Variants in MBD5 observed in about 807,000 individuals in gnomAD.
MBD5 encodes methyl-CpG-binding domain protein 5.
A neutral mutation model predicts 117.3 loss-of-function variants in MBD5; 13 were observed. The observed-to-expected ratio is 0.11, with a 90% CI of 0.07 to 0.18. The LOEUF (loss-of-function observed/expected upper bound fraction) is 0.18. Ranked by LOEUF, MBD5 falls within the 10% of genes least tolerant of loss-of-function variation. MBD5 has a pLI of 1.00. For missense variants in MBD5, 1,879 were observed against 2,093.8 expected, an observed-to-expected ratio of 0.90 and a Z score of 2.00; for synonymous variants, 727 against 766.4, an observed-to-expected ratio of 0.95 and a Z score of 0.85.
chr2:148,485,979 A>G, intron 10 of MBD5, 29 bp downstream of exon 10: 3 of 1,601,194 alleles, frequency 1.9e-6, no homozygotes, highest in South Asian at 2.2e-5. Flanking sequence ...TCATTTTAGA[A>G]GAAAACAATG....
At chr2:148,400,708 CTAT>C (rs1704892524) in intron 4 of MBD5, among the ~76,000 whole-genome samples, 2 of 152,110 alleles carry the variant, frequency 1.3e-5, no homozygotes, top group African/African-American at 4.8e-5. Flanking sequence ...CCTATTAGCC[CTAT>C]TATTAACTAT....
In MBD5 at chr2:148,244,530, T is replaced by G. The variant is rs1371713013; in HGVS notation, c.-680+11135T>G. ...ATGAGCTATAAAATTAATTCATTATTTTACTTTGTACTTGATCATTTTGTC... is the reference window on the plus strand; with the variant it reads ...ATGAGCTATAAAATTAATTCATTATGTTACTTTGTACTTGATCATTTTGTC... On this transcript the variant is annotated intron_variant, in intron 3 of 13. Transcript: ENST00000642680. 2.0e-5 allele frequency among the ~76,000 whole-genome samples: 3 copies of G among 152,316 alleles called. No homozygotes were observed. The South Asian group carries it at 6.2e-4, about 32-fold the overall frequency.
At chr2:148,253,164 G>A (rs1700505361) in intron 3 of MBD5, among the ~76,000 whole-genome samples, 1 of 152,048 alleles carries the variant, frequency 6.6e-6, no homozygotes, top group Non-Finnish European at 1.5e-5. Flanking sequence ...AAAGCAGAGG[G>A]AACTCTACTA....
At chr2:148,473,296 T>C (rs1476443126) in intron 8 of MBD5, among the ~76,000 whole-genome samples, 1 of 152,116 alleles carries the variant, frequency 6.6e-6, no homozygotes, top group Non-Finnish European at 1.5e-5. Context: ...TTCTTTTAAT[T>C]AATTATCACC....
At position 148,300,432 on chromosome 2, in the gene MBD5, G is replaced by A. The variant is rs1450611375; in HGVS notation, c.-679-41782G>A. On this transcript the variant is annotated intron_variant, in intron 3 of 13. Coordinates refer to ENST00000642680, the MANE Select transcript of MBD5 (RefSeq NM_001378120.1). ...CAATGCTATTCTCTCTTCTTTTCCTGCAGTGTCTTCCCTATCATCACTTGT... is the reference window on the plus strand; with the variant it reads ...CAATGCTATTCTCTCTTCTTTTCCTACAGTGTCTTCCCTATCATCACTTGT... Among the ~76,000 whole-genome samples, 2 of 151,622 alleles carry A rather than the reference G, an allele frequency of 1.3e-5. 1 individual carries two copies. The highest frequency in any genetic ancestry group is 3.9e-4 in the East Asian group (2 of 5,178).
chr2:148,485,690 C>A (rs2105092590), intron 9 of MBD5, 52 bp from the exon 10 acceptor site: 1 of 1,379,748 alleles, frequency 7.2e-7, no homozygotes, highest in Non-Finnish European at 1.0e-6. Context: ...AGAGAGGCAT[C>A]GAATCTCCGA....
intron 1 of MBD5, among the ~76,000 whole-genome samples, chr2:148,052,829 A>G (rs1694754309): frequency 6.6e-6 from 1 of 152,092 alleles, no homozygotes. Flanking sequence ...CATGTGACTT[A>G]TCCTGGAAAA....
At chr2:148,272,467 A>C (rs1204320131) in intron 3 of MBD5, among the ~76,000 whole-genome samples, 1 of 152,086 alleles carries the variant, frequency 6.6e-6, no homozygotes, top group East Asian at 1.9e-4. Context: ...GTTTTTCGTA[A>C]TAGCTATTCT....
At chr2:148,468,221 T>C (rs1374247648) in intron 7 of MBD5, 120 bp from the exon 8 acceptor site, 1 of 745,910 alleles carries the variant, frequency 1.3e-6, no homozygotes, top group Non-Finnish European at 2.3e-6. Flanking sequence ...TATTTACAGA[T>C]TCCTATTTCC....
chr2:148,466,855 T>G (rs1216333721), intron 7 of MBD5, among the ~76,000 whole-genome samples: 1 of 152,206 alleles, frequency 6.6e-6, no homozygotes, highest in Non-Finnish European at 1.5e-5. Flanking sequence ...ATGTGCTCTA[T>G]GTAGATTTAT....
At chr2:148,084,231 C>T (rs1005145454) in intron 1 of MBD5, among the ~76,000 whole-genome samples, 1 of 152,100 alleles carries the variant, frequency 6.6e-6, no homozygotes, top group Non-Finnish European at 1.5e-5. Flanking sequence ...TGTTCTCCTA[C>T]GGGGATGCCA....
intron 1 of MBD5, among the ~76,000 whole-genome samples, chr2:148,076,694 A>G (rs1016712236): frequency 6.6e-6 from 1 of 152,222 alleles, no homozygotes; most frequent in Non-Finnish European, 1.5e-5. Flanking sequence ...AGGTTAAGTG[A>G]TAATTCTATT....
Position 148,469,822 on chromosome 2 carries a change from A to G in MBD5, c.1879A>G (p.Thr627Ala), listed in dbSNP as rs779256872. The G allele has an allele frequency of 2.5e-6, 4 of 1,613,916 alleles. No individual in the cohort carries two copies. Among genetic ancestry groups the G allele is most frequent in the African/African-American group, 1.3e-5 (1 of 75,036 alleles). Reference protein sequence around the residue: ...HSTLNTMFPPTANMLLPTGEG... With the variant: ...HSTLNTMFPPAANMLLPTGEG... ...CACTTTAAACACCATGTTCCCTCCT[A>G]CTGCCAACATGCTTCTCCCAACAGG... The change falls in exon 8 of 14, where the codon ACT (threonine) becomes GCT (alanine). Residue 627 changes from threonine to alanine, a missense_variant. By Grantham distance (58) the Thr-to-Ala change is moderately conservative (BLOSUM62 0). Around this residue, in one of 4 missense-constraint regions of MBD5, gnomAD observed 1,666 missense variants for 1,792.2 expected, o/e 0.93. Transcript: ENST00000642680.
intron 3 of MBD5, among the ~76,000 whole-genome samples, chr2:148,328,880 C>G (rs542371152): frequency 1.3e-4 from 20 of 152,174 alleles, no homozygotes; most frequent in African/African-American, 4.8e-4. Context: ...AGATCAGAAA[C>G]AACAGGGCAT....
At chr2:148,136,669 C>T (rs984476135) in intron 1 of MBD5, among the ~76,000 whole-genome samples, 10 of 152,128 alleles carry the variant, frequency 6.6e-5, no homozygotes, top group African/African-American at 2.4e-4. Context: ...TCATCAGTTG[C>T]CAGTCAAGCA....
At chr2:148,224,994 G>C (rs1699786551) in intron 2 of MBD5, among the ~76,000 whole-genome samples, 1 of 151,840 alleles carries the variant, frequency 6.6e-6, no homozygotes, top group African/African-American at 2.4e-5. Flanking sequence ...CAGATCACAG[G>C]GTCTTGTCTT....
chr2:148,025,843 G>A (rs1422081630), intron 1 of MBD5: 3 of 152,106 alleles, frequency 2.0e-5, no homozygotes. Context: ...TTCTAAGTCA[G>A]TTGTAATTTT....
chr2:148,040,793 T>C lies in MBD5; in HGVS notation c.-925+19109T>C, dbSNP rs530193932. 2.6e-5 allele frequency among the ~76,000 whole-genome samples: 4 copies of C among 152,302 alleles called. No individual in the cohort carries two copies. The East Asian group carries it at 5.8e-4, about 22-fold the overall frequency. ...GGTCTGGAATAACTATTCTTGGCCC[T>C]GTGGGTGCACATTAAAATCATGTAG... On this transcript the variant is annotated intron_variant, in intron 1 of 13. Coordinates refer to ENST00000642680, the MANE Select transcript of MBD5 (RefSeq NM_001378120.1).
At chr2:148,142,503 G>C (rs1259458810) in intron 1 of MBD5, among the ~76,000 whole-genome samples, 1 of 152,182 alleles carries the variant, frequency 6.6e-6, no homozygotes, top group African/African-American at 2.4e-5. Flanking sequence ...CAAGTGTGGT[G>C]ATAGAATAGA....
Sources: allele counts gnomAD v4.1 joint callset (sites outside exome capture counted in the v4.1 genomes callset), GRCh38; gene constraint gnomAD v4.1.1; regional missense constraint gnomAD v4.1.1; transcripts MANE v1.5; gene names NCBI Gene and HGNC (gene_info 2026-07-23, HGNC 2026-07-21).